The following ATG10 variants were observed in gnomAD, a reference collection of about 807,000 sequenced individuals.
ATG10 encodes autophagy related 10, also known as ubiquitin-like-conjugating enzyme ATG10.
Under a neutral mutation model 32.1 loss-of-function variants are expected in ATG10, and 30 were observed. The ratio of observed to expected loss-of-function variants is 0.94; its 90% CI spans 0.70 to 1.27. The LOEUF (loss-of-function observed/expected upper bound fraction) is 1.27, where lower values mean the gene tolerates loss of function less well. Ranked by LOEUF, ATG10 falls within the 50% of genes most tolerant of loss-of-function variation. The pLI, the probability that ATG10 is intolerant of heterozygous loss-of-function variation, is 0.00. For missense variants in ATG10, 233 were observed against 262.3 expected (o/e 0.89, Z 0.77); for synonymous variants, 87 against 91.5 (o/e 0.95, Z 0.28).
chr5:82,067,654 G>A (rs1041551486), intron 3 of ATG10, among the ~76,000 whole-genome samples: 2 of 152,066 alleles, frequency 1.3e-5, no homozygotes, highest in Admixed American at 1.3e-4. Flanking sequence ...GCTTCTTAAG[G>A]TTACTTCTAT....
At chr5:82,180,143 A>C (rs1744176850) in intron 5 of ATG10, among the ~76,000 whole-genome samples, 1 of 152,160 alleles carries the variant, frequency 6.6e-6, no homozygotes, top group South Asian at 2.1e-4. Context: ...GATGTGGTCT[A>C]AATGCTTTGC....
At chr5:82,191,027 A>G (rs142999734) in intron 5 of ATG10, among the ~76,000 whole-genome samples, 1 of 152,162 alleles carries the variant, frequency 6.6e-6, no homozygotes, top group East Asian at 1.9e-4. Context: ...AGATATTCCC[A>G]TATCAATCTC....
chr5:82,197,720 TTCTA>T (rs10586711), intron 5 of ATG10, among the ~76,000 whole-genome samples: 33,236 of 143,616 alleles, frequency 0.23, 3,773 homozygotes, highest in South Asian at 0.25. Flanking sequence ...CTTTCTTTCT[TTCTA>T]TCTATCTATC....
intron 3 of ATG10, among the ~76,000 whole-genome samples, chr5:82,117,877 A>G (rs1291152436): frequency 6.6e-6 from 1 of 152,134 alleles, no homozygotes; most frequent in East Asian, 1.9e-4. Flanking sequence ...TTTATTCTTC[A>G]GGCCAAATGG....
At chr5:81,984,786 T>C (rs967224983) in intron 1 of ATG10, among the ~76,000 whole-genome samples, 4 of 152,238 alleles carry the variant, frequency 2.6e-5, no homozygotes, top group African/African-American at 9.6e-5. Context: ...AAAATGTTGA[T>C]TGAATTATAT....
chr5:82,115,328 A>T (rs560220900), intron 3 of ATG10, among the ~76,000 whole-genome samples: 2 of 152,208 alleles, frequency 1.3e-5, no homozygotes, highest in South Asian at 4.1e-4. Context: ...ATGTTTTCAG[A>T]TGAAGTTACA....
Position 82,207,908 on chromosome 5 carries a change from G to T in ATG10, c.453+29321G>T, listed in dbSNP as rs142022735. ...AAATAGCTACATGTGACTGTTAACTGTGTTATTGGACAGATTTGTTTTCTA... is the reference window on the plus strand; with the variant it reads ...AAATAGCTACATGTGACTGTTAACTTTGTTATTGGACAGATTTGTTTTCTA... On this transcript the variant is annotated intron_variant, in intron 5 of 7. Coordinates refer to ENST00000282185, the MANE Select transcript of ATG10 (RefSeq NM_031482.5). Among the ~76,000 whole-genome samples the T allele has an allele frequency of 2.9e-3, 434 of 152,142 alleles. 1 individual carries two copies. The highest frequency in any genetic ancestry group is 1.0e-2 in the African/African-American group (414 of 41,502).
chr5:81,993,374 T>TTTCTTTCTTTCTTTCCTTCTTTC (rs776175236), intron 2 of ATG10, among the ~76,000 whole-genome samples: 2 of 39,836 alleles, frequency 5.0e-5, no homozygotes, highest in African/African-American at 2.6e-4. Flanking sequence ...TTTTCTTTTC[T>TTTCTTTCTTTCTTTCCTTCTTTC]TTTCTTTTCT....
At chr5:82,181,472 G>A (rs939877604) in intron 5 of ATG10, among the ~76,000 whole-genome samples, 3 of 152,044 alleles carry the variant, frequency 2.0e-5, no homozygotes, top group African/African-American at 7.2e-5. Flanking sequence ...TTCTTTGCTT[G>A]AGATCTTTGG....
intron 5 of ATG10, among the ~76,000 whole-genome samples, chr5:82,205,903 T>C (rs1745270640): frequency 6.6e-6 from 1 of 152,168 alleles, no homozygotes; most frequent in Non-Finnish European, 1.5e-5. Context: ...TTGATACTAT[T>C]GGTAAGAAAG....
chr5:81,994,096 CTCT>C (rs1333044140), intron 2 of ATG10, among the ~76,000 whole-genome samples: 1 of 152,224 alleles, frequency 6.6e-6, no homozygotes, highest in Admixed American at 6.5e-5. Context: ...GGCCTGACAA[CTCT>C]TCTCCAATTC....
chr5:82,160,303 C>T (rs1178839894), intron 3 of ATG10, among the ~76,000 whole-genome samples: 1 of 152,094 alleles, frequency 6.6e-6, no homozygotes, highest in Non-Finnish European at 1.5e-5. Flanking sequence ...TGACTTTTAT[C>T]ACTTAGCATA....
chr5:82,053,110 G>A (rs972370702), intron 2 of ATG10, among the ~76,000 whole-genome samples: 3 of 152,186 alleles, frequency 2.0e-5, no homozygotes, highest in African/African-American at 7.2e-5. Context: ...AGCAATGTAT[G>A]AGAGTGCCTG....
At chr5:82,121,891 G>A (rs909443217) in intron 3 of ATG10, among the ~76,000 whole-genome samples, 8 of 148,226 alleles carry the variant, frequency 5.4e-5, no homozygotes, top group Middle Eastern at 3.4e-3. Context: ...TTTTTGCATC[G>A]AAGTTAATCA....
intron 3 of ATG10, among the ~76,000 whole-genome samples, chr5:82,139,075 C>T (rs1399055985): frequency 4.7e-5 from 7 of 148,764 alleles, no homozygotes; most frequent in Admixed American, 2.7e-4. Flanking sequence ...AGCCCCTAAC[C>T]GCGAGTGATC....
chr5:82,045,583 T>C (rs1452962586), intron 2 of ATG10, among the ~76,000 whole-genome samples: 1 of 152,134 alleles, frequency 6.6e-6, no homozygotes, highest in East Asian at 1.9e-4. Context: ...GAGACATTAA[T>C]GCCAAGCTAT....
chr5:81,975,137 TTTG>T (rs1760832432), intron 1 of ATG10, among the ~76,000 whole-genome samples: 1 of 152,180 alleles, frequency 6.6e-6, no homozygotes, highest in Non-Finnish European at 1.5e-5. Context: ...GCTCTGAGGA[TTTG>T]TTACTAGTTC....
intron 3 of ATG10, among the ~76,000 whole-genome samples, chr5:82,109,954 C>T (rs1453979571): frequency 6.7e-6 from 1 of 150,270 alleles, no homozygotes; most frequent in Non-Finnish European, 1.5e-5. Context: ...CCCCCATCCC[C>T]CCACCCCACA....
intron 3 of ATG10, among the ~76,000 whole-genome samples, chr5:82,130,014 G>C (rs1312105416): frequency 2.0e-5 from 3 of 152,184 alleles, no homozygotes; most frequent in Non-Finnish European, 2.9e-5. Context: ...GACTGGGGCT[G>C]CTGCCTGTTT....
Sources: gnomAD v4.1 joint callset for allele counts (sites outside exome capture counted in the v4.1 genomes callset) on GRCh38, gnomAD v4.1.1 for gene constraint, MANE v1.5 for transcripts, NCBI Gene and HGNC (gene_info 2026-07-23, HGNC 2026-07-21) for gene names.